The following CCDC171 variants were observed in gnomAD, a reference collection of about 807,000 sequenced individuals.
The protein encoded by CCDC171 is coiled-coil domain containing 171, also known as coiled-coil domain-containing protein 171.
CCDC171 carries 177 observed loss-of-function variants against 168.2 expected under a neutral mutation model. The ratio of observed to expected loss-of-function variants is 1.05; its 90% CI spans 0.93 to 1.19. The LOEUF (loss-of-function observed/expected upper bound fraction) is 1.19. Among genes scored for constraint, CCDC171 ranks in the 50% most tolerant of loss-of-function variants. The pLI is 0.00. For synonymous variants in CCDC171, 687 were observed against 540.8 expected (o/e 1.27, Z -3.75); for missense variants, 1,991 against 1,539.0 (o/e 1.29, Z -4.91).
At chr9:15,891,424 A>T (rs1820202022) in intron 24 of CCDC171, among the ~76,000 whole-genome samples, 1 of 152,180 alleles carries the variant, frequency 6.6e-6, no homozygotes, top group African/African-American at 2.4e-5. Flanking sequence ...CCAAAAGGTC[A>T]GAATTAGGAT....
intron 18 of CCDC171, among the ~76,000 whole-genome samples, chr9:15,775,419 A>C (rs938715201): frequency 6.6e-6 from 1 of 152,170 alleles, no homozygotes; most frequent in Non-Finnish European, 1.5e-5. Flanking sequence ...CCCGAGTTCA[A>C]GGGATTCTCC....
At chr9:15,573,299 G>A (rs1389784290) in intron 3 of CCDC171, among the ~76,000 whole-genome samples, 3 of 151,768 alleles carry the variant, frequency 2.0e-5, no homozygotes, top group South Asian at 2.1e-4. Context: ...TTTTTGAGAC[G>A]AAGTCTCGCT....
chr9:15,612,781 G>A (rs922406765), intron 6 of CCDC171, among the ~76,000 whole-genome samples: 1 of 151,918 alleles, frequency 6.6e-6, no homozygotes, highest in Admixed American at 6.6e-5. Flanking sequence ...CTGATACTTT[G>A]GTGGCTTTAT....
chr9:15,930,990 A>G (rs1175216281), intron 25 of CCDC171, among the ~76,000 whole-genome samples: 4 of 151,506 alleles, frequency 2.6e-5, no homozygotes. Context: ...TCTTCTAGCT[A>G]TTTTCTAATA....
chr9:15,960,566 A>G (rs576528066), intron 25 of CCDC171, among the ~76,000 whole-genome samples: 2 of 152,298 alleles, frequency 1.3e-5, no homozygotes, highest in Non-Finnish European at 2.9e-5. Context: ...GTTACATAAG[A>G]TGTTCTCCCT....
At chr9:15,747,076 G>C (rs1364531420) in intron 18 of CCDC171, among the ~76,000 whole-genome samples, 1 of 152,212 alleles carries the variant, frequency 6.6e-6, no homozygotes, top group Non-Finnish European at 1.5e-5. Context: ...GGCGGGGGGA[G>C]GGCGTCTGCC....
At chr9:16,008,023 T>C (rs1350213258) in intron 3 of CCDC171, among the ~76,000 whole-genome samples, 1 of 152,214 alleles carries the variant, frequency 6.6e-6, no homozygotes, top group African/African-American at 2.4e-5. Context: ...TTCCATTCTG[T>C]GGATTATCTT....
At chr9:15,932,337 C>T (rs1024884147) in intron 25 of CCDC171, among the ~76,000 whole-genome samples, 2 of 151,636 alleles carry the variant, frequency 1.3e-5, no homozygotes, top group African/African-American at 4.8e-5. Flanking sequence ...TCTTTGGTTA[C>T]GTTGCTTCAT....
intron 7 of CCDC171, among the ~76,000 whole-genome samples, chr9:15,653,627 C>G (rs946475953): frequency 3.9e-5 from 6 of 152,082 alleles, no homozygotes; most frequent in African/African-American, 1.2e-4. Context: ...CAGCTTATGA[C>G]CAATCTTATT....
At chr9:15,828,344 A>AAG (rs2060099785) in intron 21 of CCDC171, among the ~76,000 whole-genome samples, 1 of 151,522 alleles carries the variant, frequency 6.6e-6, no homozygotes, top group Non-Finnish European at 1.5e-5. Context: ...AAAAAAAAAA[A>AAG]CAGGACTTAG....
At chr9:15,648,364 T>C (rs181927263) in intron 7 of CCDC171, among the ~76,000 whole-genome samples, 1 of 152,260 alleles carries the variant, frequency 6.6e-6, no homozygotes. Context: ...CTCTCACCAT[T>C]CCTATTCAAC....
chr9:15,778,493 G>GC (rs2057465464), intron 19 of CCDC171, among the ~76,000 whole-genome samples: 1 of 151,456 alleles, frequency 6.6e-6, no homozygotes, highest in South Asian at 2.1e-4. Flanking sequence ...ACAAAAATGA[G>GC]CCAGGGGTGG....
intron 8 of CCDC171, among the ~76,000 whole-genome samples, chr9:15,658,765 G>A (rs965901482): frequency 7.9e-5 from 12 of 152,138 alleles, no homozygotes; most frequent in African/African-American, 2.9e-4. Flanking sequence ...CTTCCCTAGA[G>A]TCTCCAGAAG....
intron 1 of CCDC171, 48 bp downstream of exon 1, chr9:15,553,350 G>A (rs796655562): frequency 3.9e-5 from 6 of 152,640 alleles, no homozygotes; most frequent in African/African-American, 1.4e-4. Flanking sequence ...TGGGAGGGAG[G>A]TGTTGAGAGG....
At chr9:15,742,533 A>G (rs2054950645) in intron 16 of CCDC171, among the ~76,000 whole-genome samples, 1 of 152,204 alleles carries the variant, frequency 6.6e-6, no homozygotes, top group Non-Finnish European at 1.5e-5. Flanking sequence ...GGGTTGTCGC[A>G]CATCCTCTTG....
At chr9:16,099,426 C>A in the CCDC171 span, among the ~76,000 whole-genome samples, 1 of 152,166 alleles carries the variant, frequency 6.6e-6, no homozygotes, top group Non-Finnish European at 1.5e-5. Context: ...AAACACAGGG[C>A]AAAGATGTGG....
chr9:15,581,149 A>G (rs968384883), intron 4 of CCDC171, among the ~76,000 whole-genome samples: 1 of 152,214 alleles, frequency 6.6e-6, no homozygotes. Flanking sequence ...AGACAAACAG[A>G]GAGCCAAATC....
intron 6 of CCDC171, among the ~76,000 whole-genome samples, chr9:15,606,353 G>A (rs749892050): frequency 7.2e-5 from 11 of 152,064 alleles, no homozygotes; most frequent in Admixed American, 5.9e-4. Flanking sequence ...ATGATTCTTC[G>A]TGTAAATGCC....
At chr9:16,052,258 G>A (rs1045352742) in intron 1 of CCDC171, among the ~76,000 whole-genome samples, 1 of 152,116 alleles carries the variant, frequency 6.6e-6, no homozygotes, top group African/African-American at 2.4e-5. Flanking sequence ...GGCCCTCTTG[G>A]TCCTGGTGTG....
Sources: gnomAD v4.1 joint callset for allele counts (sites outside exome capture counted in the v4.1 genomes callset) on GRCh38, gnomAD v4.1.1 for gene constraint, MANE v1.5 for transcripts, NCBI Gene and HGNC (gene_info 2026-07-23, HGNC 2026-07-21) for gene names.